Variants in ME2 observed in about 807,000 individuals in gnomAD.
ME2 encodes NAD-dependent malic enzyme, mitochondrial.
A neutral mutation model predicts 73.7 loss-of-function variants in ME2; 60 were observed. That is an observed-to-expected ratio of 0.81 (90% CI 0.66 to 1.01). The LOEUF (loss-of-function observed/expected upper bound fraction) is 1.01. Ranked by LOEUF, ME2 falls within the 50% of genes least tolerant of loss-of-function variation. The pLI, the probability that ME2 is intolerant of heterozygous loss-of-function variation, is 0.00. For synonymous variants in ME2, 199 were observed against 236.9 expected, an observed-to-expected ratio of 0.84 and a Z score of 1.47; for missense variants, 594 against 705.5, an observed-to-expected ratio of 0.84 and a Z score of 1.79.
At chr18:50,920,617 A>G in intron 8 of ME2, 44 bp from the exon 9 acceptor site, 1 of 1,577,296 alleles carries the variant, frequency 6.3e-7, no homozygotes, top group South Asian at 1.2e-5. Flanking sequence ...AACATTTTTA[A>G]TGTGCCCATT....
At position 50,885,891 on chromosome 18, in the gene ME2, C is replaced by G. The variant is rs116381301; in HGVS notation, c.-13+6583C>G. ...ATGTATAAAAGTCAAATTTGAGTAACTTAAAATTTAAAAATAGCCTGAAAA... is the reference window on the plus strand; with the variant it reads ...ATGTATAAAAGTCAAATTTGAGTAAGTTAAAATTTAAAAATAGCCTGAAAA... On this transcript the variant is annotated intron_variant, in intron 1 of 15. Coordinates refer to ENST00000321341, the MANE Select transcript of ME2 (RefSeq NM_002396.5). 2.6e-3 allele frequency among the ~76,000 whole-genome samples: 392 copies of G among 152,146 alleles called. 1 individual carries two copies. The highest frequency in any genetic ancestry group is 8.8e-3 in the African/African-American group (365 of 41,518).
intron 6 of ME2, 88 bp downstream of exon 6, chr18:50,917,596 A>G (rs1450755699): frequency 5.1e-6 from 5 of 973,092 alleles, no homozygotes; most frequent in Admixed American, 2.8e-5. Context: ...ATAATTTAAG[A>G]AGGGAAAGTT....
rs1026615246 is a variant in ME2, at chr18:50,953,090, T to C, written c.*5906T>C. 1.4e-5 allele frequency: 2 copies of C among 144,098 alleles called. No individual in the cohort carries two copies. The highest frequency in any genetic ancestry group is 4.3e-4 in the South Asian group (2 of 4,702). 8.9% of individuals were successfully genotyped at this position (144,098 alleles called of 1,614,324 possible). A position where few individuals can be genotyped will look rare whatever the true frequency, so the allele number is the denominator to read the frequency against. On this transcript the variant is annotated 3_prime_UTR_variant, in exon 16 of 16. Coordinates refer to ENST00000321341, the MANE Select transcript of ME2 (RefSeq NM_002396.5). ...TACTTCAGATGAGAATTCTCACTTA[T>C]TCTTTTTTTTTTTTTTTTTTCTTTT...
intron 13 of ME2, among the ~76,000 whole-genome samples, chr18:50,936,113 A>G (rs932268644): frequency 1.3e-5 from 2 of 152,196 alleles, no homozygotes; most frequent in Non-Finnish European, 2.9e-5. Flanking sequence ...AGAGAAGAAT[A>G]TGAAAGCAGT....
intron 1 of ME2, among the ~76,000 whole-genome samples, chr18:50,885,147 C>G (rs571299405): frequency 6.6e-6 from 1 of 152,298 alleles, no homozygotes; most frequent in East Asian, 1.9e-4. Flanking sequence ...TGAGCCACCA[C>G]GCCAGGCCCA....
At chr18:50,924,951 CT>C (rs1187744007) in intron 11 of ME2, among the ~76,000 whole-genome samples, 1 of 151,724 alleles carries the variant, frequency 6.6e-6, no homozygotes, top group Non-Finnish European at 1.5e-5. Flanking sequence ...GAGACTCCAT[CT>C]CAAAAAATAA....
intron 13 of ME2, among the ~76,000 whole-genome samples, chr18:50,936,326 G>A (rs1024288356): frequency 1.3e-5 from 2 of 152,030 alleles, no homozygotes; most frequent in African/African-American, 4.8e-5. Flanking sequence ...ACAAAAAACC[G>A]GGGATTCACC....
intron 10 of ME2, among the ~76,000 whole-genome samples, chr18:50,922,099 TC>T (rs1192626072): frequency 6.6e-6 from 1 of 152,254 alleles, no homozygotes; most frequent in African/African-American, 2.4e-5. Flanking sequence ...TTGTTCCAGT[TC>T]TAAAATCTTT....
chr18:50,943,056 C>T (rs1047118114), intron 15 of ME2, among the ~76,000 whole-genome samples: 6 of 151,824 alleles, frequency 4.0e-5, no homozygotes, highest in South Asian at 2.1e-4. Flanking sequence ...CACAGCCTCC[C>T]GAGTAGCTAG....
chr18:50,930,306 A>G (rs1184581867), intron 12 of ME2, among the ~76,000 whole-genome samples: 2 of 152,170 alleles, frequency 1.3e-5, no homozygotes, highest in Non-Finnish European at 2.9e-5. Context: ...TTACTTTTAC[A>G]TAAATTCTTT....
At chr18:50,916,275 G>A in intron 5 of ME2, 32 bp downstream of exon 5, 1 of 1,506,010 alleles carries the variant, frequency 6.6e-7, no homozygotes, top group Non-Finnish European at 9.1e-7. Context: ...TTTTCACAAT[G>A]TTTTCTCTTT....
intron 12 of ME2, among the ~76,000 whole-genome samples, chr18:50,931,786 C>T (rs904232656): frequency 1.3e-5 from 2 of 151,748 alleles, no homozygotes; most frequent in Non-Finnish European, 2.9e-5. Context: ...GTGATTCTCC[C>T]GCCTCAGGCT....
chr18:50,946,457 T>C (rs1285942120), intron 15 of ME2, among the ~76,000 whole-genome samples: 3 of 152,184 alleles, frequency 2.0e-5, no homozygotes, highest in African/African-American at 4.8e-5. Context: ...TGATAGCACT[T>C]ATCTCCTGGG....
intron 3 of ME2, among the ~76,000 whole-genome samples, chr18:50,910,722 C>T (rs1917135546): frequency 2.6e-5 from 4 of 152,188 alleles, no homozygotes; most frequent in African/African-American, 9.6e-5. Context: ...ACACTCAGCC[C>T]TTCTCTTCAG....
chr18:50,924,326 G>A, intron 11 of ME2, 114 bp downstream of exon 11: 1 of 671,238 alleles, frequency 1.5e-6, no homozygotes, highest in South Asian at 2.2e-5. Context: ...CTTTCAGCAT[G>A]TACAATGTTT....
intron 13 of ME2, 123 bp downstream of exon 13, chr18:50,932,483 C>T: frequency 1.9e-6 from 1 of 531,950 alleles, no homozygotes; most frequent in East Asian, 3.3e-5. Context: ...TATAAATGTA[C>T]AAGGAAACTC....
chr18:50,889,793 A>G (rs1916562803), intron 1 of ME2, among the ~76,000 whole-genome samples: 1 of 152,204 alleles, frequency 6.6e-6, no homozygotes, highest in Admixed American at 6.5e-5. Flanking sequence ...ATGGTTAAAC[A>G]TTATTCTTAT....
chr18:50,938,489 A>G (rs1855952512), intron 13 of ME2, among the ~76,000 whole-genome samples: 1 of 152,234 alleles, frequency 6.6e-6, no homozygotes, highest in Non-Finnish European at 1.5e-5. Flanking sequence ...TTTCCAAGCC[A>G]GAATTCTAAA....
At chr18:50,908,704 GATCTC>G (rs1917074219) in intron 3 of ME2, among the ~76,000 whole-genome samples, 1 of 147,068 alleles carries the variant, frequency 6.8e-6, no homozygotes, top group South Asian at 2.2e-4. Context: ...GCAGTGGTGC[GATCTC>G]AGCTTACTGC....
Sources: allele counts gnomAD v4.1 joint callset (sites outside exome capture counted in the v4.1 genomes callset), GRCh38; gene constraint gnomAD v4.1.1; transcripts MANE v1.5; gene names NCBI Gene and HGNC (gene_info 2026-07-23, HGNC 2026-07-21).